The following LRRC72 variants were observed in gnomAD, a reference collection of about 807,000 sequenced individuals.
LRRC72 encodes the protein leucine rich repeat containing 72.
Under a neutral mutation model 35.8 loss-of-function variants are expected in LRRC72, and 41 were observed. That is an observed-to-expected ratio of 1.15 (90% CI 0.89 to 1.49). LRRC72 has a LOEUF of 1.49. Ranked by LOEUF, LRRC72 falls within the 40% of genes most tolerant of loss-of-function variation. The pLI, the probability that LRRC72 is intolerant of heterozygous loss-of-function variation, is 0.00. For missense variants in LRRC72, 389 were observed against 330.7 expected (o/e 1.18, Z -1.37); for synonymous variants, 118 against 119.2 (o/e 0.99, Z 0.07).
intron 3 of LRRC72, among the ~76,000 whole-genome samples, chr7:16,551,432 C>T (rs1051012544): frequency 7.2e-5 from 11 of 152,086 alleles, no homozygotes; most frequent in East Asian, 3.9e-4. Context: ...GTTGGCAGCT[C>T]CCAGGCAGCT....
intron 2 of LRRC72, chr7:16,532,789 C>T (rs904444810): frequency 8.3e-6 from 5 of 602,836 alleles, no homozygotes; most frequent in Non-Finnish European, 1.5e-5. Flanking sequence ...TGTTTGAATC[C>T]CAGCTCTGTC....
intron 1 of LRRC72, among the ~76,000 whole-genome samples, chr7:16,531,606 G>C (rs1318353956): frequency 6.6e-6 from 1 of 152,096 alleles, no homozygotes; most frequent in African/African-American, 2.4e-5. Flanking sequence ...TGATTGTTTT[G>C]ACTCTGATAA....
At chr7:16,546,758 C>T (rs996121988) in intron 3 of LRRC72, among the ~76,000 whole-genome samples, 1 of 152,084 alleles carries the variant, frequency 6.6e-6, no homozygotes, top group African/African-American at 2.4e-5. Flanking sequence ...CTGGCTTGTC[C>T]CCAGTGCTGT....
intron 3 of LRRC72, 70 bp downstream of exon 3, chr7:16,537,766 C>A: frequency 6.7e-6 from 6 of 901,508 alleles, no homozygotes; most frequent in African/African-American, 1.7e-5. Context: ...CCTAATAGAG[C>A]TAATCTTTAA....
rs189611154 is a variant in LRRC72, at chr7:16,565,522, G to A, written c.428-791G>A. On this transcript the variant is annotated intron_variant, in intron 5 of 8. Coordinates refer to ENST00000401542, the MANE Select transcript of LRRC72 (RefSeq NM_001195280.2). ...GTTTATTATCATCTAGGATGAATAG[G>A]GAAAATATCTTTTTTTAAAAATAAA... Among the ~76,000 whole-genome samples the A allele has an allele frequency of 3.9e-4, 60 of 152,012 alleles. 1 individual carries two copies. Among genetic ancestry groups the A allele is most frequent in the Admixed American group, 2.5e-3 (38 of 15,260 alleles).
intron 5 of LRRC72, among the ~76,000 whole-genome samples, 175 bp downstream of exon 5, chr7:16,559,174 A>G (rs1294202555): frequency 6.6e-6 from 1 of 152,176 alleles, no homozygotes; most frequent in African/African-American, 2.4e-5. Flanking sequence ...TGGGCGGATC[A>G]CTTGAGCCCA....
At chr7:16,553,475 T>C (rs1331895955) in intron 3 of LRRC72, among the ~76,000 whole-genome samples, 1 of 152,206 alleles carries the variant, frequency 6.6e-6, no homozygotes, top group East Asian at 1.9e-4. Flanking sequence ...TATTGTATAG[T>C]GTCTGTGAAA....
intron 5 of LRRC72, among the ~76,000 whole-genome samples, chr7:16,562,202 A>G (rs1782754918): frequency 6.6e-6 from 1 of 152,100 alleles, no homozygotes; most frequent in African/African-American, 2.4e-5. Flanking sequence ...TCTTCTCTCT[A>G]GGCAGTCTAC....
At chr7:16,579,979 T>C (rs1783112162) in intron 7 of LRRC72, 95 bp from the exon 8 acceptor site, 2 of 255,150 alleles carry the variant, frequency 7.8e-6, no homozygotes, top group South Asian at 7.9e-5. Context: ...CAGAAAGCCC[T>C]GCTTTATACT....
chr7:16,575,199 C>T (rs1161065560), intron 7 of LRRC72, among the ~76,000 whole-genome samples: 1 of 152,146 alleles, frequency 6.6e-6, no homozygotes, highest in East Asian at 1.9e-4. Context: ...TCAGGATCTC[C>T]TGAGGGCTGT....
rs1782280534 is a variant in LRRC72 at position 16,537,675 on chromosome 7, C to T, written c.213C>T (p.Tyr71=). The change falls in exon 3 of 9, where the codon TAC becomes TAT. Residue 71 remains tyrosine, a synonymous_variant. Transcript: ENST00000401542. ...IDLSRFKKLK[Y]LWLHHNKLHG... ...TTTCTAGGTTTAAAAAATTAAAATA[C>T]TTATGGCTTCATCATAACAAGGTAG... 5 of 1,517,980 alleles carry T rather than the reference C, an allele frequency of 3.3e-6. No homozygotes were observed. Among genetic ancestry groups the T allele is most frequent in the Non-Finnish European group, 4.4e-6 (5 of 1,126,068 alleles). 94.0% of individuals were successfully genotyped at this position (1,517,980 alleles called of 1,614,324 possible).
chr7:16,566,507 T>C (rs1309756226), intron 6 of LRRC72, 105 bp downstream of exon 6: 1 of 571,410 alleles, frequency 1.8e-6, no homozygotes, highest in African/African-American at 1.9e-5. Context: ...GTAAAAAATA[T>C]ATCTTTGAAT....
intron 3 of LRRC72, among the ~76,000 whole-genome samples, chr7:16,553,461 A>G (rs530781509): frequency 6.6e-6 from 1 of 152,166 alleles, no homozygotes; most frequent in South Asian, 2.1e-4. Context: ...TTTTGTTGGG[A>G]TTATATTGTA....
intron 1 of LRRC72, among the ~76,000 whole-genome samples, chr7:16,527,897 C>T (rs1782099629): frequency 6.6e-6 from 1 of 152,130 alleles, no homozygotes; most frequent in Middle Eastern, 3.4e-3. Context: ...ACATTTTTTT[C>T]CCTTTGATTC....
chr7:16,571,098 C>T (rs1327096181), intron 7 of LRRC72, among the ~76,000 whole-genome samples: 2 of 151,820 alleles, frequency 1.3e-5, no homozygotes, highest in Non-Finnish European at 2.9e-5. Flanking sequence ...CTAGTATTTC[C>T]CATAGAATGA....
chr7:16,562,915 A>T (rs1470349665), intron 5 of LRRC72, among the ~76,000 whole-genome samples: 2 of 152,142 alleles, frequency 1.3e-5, no homozygotes, highest in East Asian at 3.8e-4. Context: ...ATCAGGGGTG[A>T]TTTCCATATT....
At chr7:16,574,282 A>G (rs1245294966) in intron 7 of LRRC72, among the ~76,000 whole-genome samples, 2 of 152,244 alleles carry the variant, frequency 1.3e-5, no homozygotes, top group African/African-American at 2.4e-5. Flanking sequence ...AATTTGACCC[A>G]GCAATCCCAT....
At chr7:16,579,740 A>G (rs953901353) in intron 7 of LRRC72, among the ~76,000 whole-genome samples, 3 of 152,326 alleles carry the variant, frequency 2.0e-5, no homozygotes, top group Non-Finnish European at 4.4e-5. Context: ...GTTTCTGCAT[A>G]TCAGCCTCAA....
intron 2 of LRRC72, among the ~76,000 whole-genome samples, chr7:16,535,240 A>T (rs982851714): frequency 3.3e-5 from 5 of 152,172 alleles, no homozygotes; most frequent in African/African-American, 1.2e-4. Context: ...TAGTTGTGCC[A>T]GGGAAGTGCT....
Sources: allele counts gnomAD v4.1 joint callset (sites outside exome capture counted in the v4.1 genomes callset), GRCh38; gene constraint gnomAD v4.1.1; transcripts MANE v1.5; gene names NCBI Gene and HGNC (gene_info 2026-07-23, HGNC 2026-07-21).